The following SDCBP variants were observed in gnomAD, a reference collection of about 807,000 sequenced individuals.
SDCBP encodes the protein syndecan binding protein.
In SDCBP, 22 loss-of-function variants were observed where a neutral mutation model predicts 30.5. The ratio of observed to expected loss-of-function variants is 0.72; its 90% CI spans 0.52 to 1.03. SDCBP has a LOEUF of 1.03. Among genes scored for constraint, SDCBP ranks in the 50% least tolerant of loss-of-function variants. The pLI, the probability that SDCBP is intolerant of heterozygous loss-of-function variation, is 0.00. For synonymous variants in SDCBP, 103 were observed against 118.7 expected (o/e 0.87, Z 0.86); for missense variants, 304 against 369.9 (o/e 0.82, Z 1.46).
intron 4 of SDCBP, among the ~76,000 whole-genome samples, chr8:58,574,891 T>C (rs779008765): frequency 1.3e-5 from 2 of 152,216 alleles, no homozygotes; most frequent in African/African-American, 2.4e-5. Flanking sequence ...TAAGATGTAC[T>C]CTTAGCAACT....
Position 58,576,050 on chromosome 8 carries a change from T to G in SDCBP, c.391T>G (p.Ser131Ala). 1 of 1,609,828 alleles carries G rather than the reference T, an allele frequency of 6.2e-7. No homozygotes were observed. Among genetic ancestry groups the G allele is most frequent in the Non-Finnish European group, 8.5e-7 (1 of 1,176,304 alleles). The change falls in exon 5 of 9, where the codon TCA becomes GCA. Residue 131 changes from serine (S) to alanine (A), a missense_variant. Ser to Ala is a moderately conservative substitution (Grantham distance 99). Coordinates refer to ENST00000260130, the MANE Select transcript of SDCBP (RefSeq NM_005625.4). ...TGGAAAAATTGGACTCAGGCTTAAA[T>G]CAATAGATAATGTAAGTATTTTAAA... ...QDGKIGLRLK[S>A]IDNGIFVQLV...
At chr8:58,557,309 TATATATAAATATAAA>T (rs1050507713) in intron 1 of SDCBP, among the ~76,000 whole-genome samples, 13 of 135,528 alleles carry the variant, frequency 9.6e-5, no homozygotes, top group Non-Finnish European at 1.7e-4. Flanking sequence ...TATATTTAAT[TATATATAAATATAAA>T]ATATATAAAT....
intron 1 of SDCBP, among the ~76,000 whole-genome samples, chr8:58,564,093 G>A (rs1050949590): frequency 2.0e-5 from 3 of 152,168 alleles, no homozygotes; most frequent in African/African-American, 7.2e-5. Context: ...TGTACCTCCA[G>A]TTGCCTCTAC....
In SDCBP at chr8:58,575,897, C is replaced by T; in HGVS notation, c.241-3C>T. The T allele has an allele frequency of 1.2e-6, 2 of 1,606,158 alleles. No individual in the cohort carries two copies. Among genetic ancestry groups the T allele is most frequent in the Non-Finnish European group, 1.7e-6 (2 of 1,174,714 alleles). On this transcript the variant is annotated splice_polypyrimidine_tract_variant and splice_region_variant and intron_variant, in intron 4 of 8. Coordinates refer to ENST00000260130, the MANE Select transcript of SDCBP (RefSeq NM_005625.4). Reference sequence around the variant, plus strand: ...ATTGACACATTGTATATGGTTTTGTCAGCAGTTGGTAGCAAGACCTTCCAG... The same window carrying T: ...ATTGACACATTGTATATGGTTTTGTTAGCAGTTGGTAGCAAGACCTTCCAG...
Position 58,575,902 on chromosome 8 carries a change from G to A in SDCBP, c.243G>A (p.Gln81=), listed in dbSNP as rs757618081. 3 of 1,610,156 alleles carry A rather than the reference G, an allele frequency of 1.9e-6. No homozygotes were observed. Among genetic ancestry groups the A allele is most frequent in the African/African-American group, 2.7e-5 (2 of 74,850 alleles). The change falls in exon 5 of 9, where the codon CAG becomes CAA. Residue 81 remains glutamine, a splice_region_variant and synonymous_variant. Transcript: ENST00000260130. ...AVVSGAPLQG[Q]LVARPSSINY... The stretch of plus-strand genomic sequence containing the variant: ...CACATTGTATATGGTTTTGTCAGCA[G>A]TTGGTAGCAAGACCTTCCAGTATAA...
At chr8:58,578,799 C>T (rs1158872600) in intron 6 of SDCBP, among the ~76,000 whole-genome samples, 1 of 152,168 alleles carries the variant, frequency 6.6e-6, no homozygotes, top group Admixed American at 6.6e-5. Context: ...TTTGTTCCTT[C>T]TCAGTGAAAC....
intron 1 of SDCBP, among the ~76,000 whole-genome samples, chr8:58,557,347 AATAT>A (rs1459067736): frequency 3.0e-4 from 41 of 137,132 alleles, no homozygotes; most frequent in Admixed American, 8.3e-4. Context: ...AAATATATAA[AATAT>A]ATAGATATAT....
rs767280461 is a variant in SDCBP, at chr8:58,582,633, G to A, written c.*893G>A. The A allele has an allele frequency of 6.6e-6, 1 of 152,506 alleles. No individual in the cohort carries two copies. Among genetic ancestry groups the A allele is most frequent in the Non-Finnish European group, 1.5e-5 (1 of 68,022 alleles). The allele number at this position is 152,506 out of a possible 1,614,324, so 9.4% of individuals were successfully genotyped here. ...CTTTTGACTCCCCTTTTGTTCATTT[G>A]TGGATTAAGTGGTATAATACTTAAT... On this transcript the variant is annotated 3_prime_UTR_variant, in exon 9 of 9. Coordinates refer to ENST00000260130, the MANE Select transcript of SDCBP (RefSeq NM_005625.4).
chr8:58,564,967 C>G, intron 1 of SDCBP, 52 bp from the exon 2 acceptor site: 1 of 979,048 alleles, frequency 1.0e-6, no homozygotes, highest in South Asian at 1.4e-5. Flanking sequence ...GCTGTGTATA[C>G]TATTTCAATT....
At chr8:58,563,241 T>G (rs1804530546) in intron 1 of SDCBP, among the ~76,000 whole-genome samples, 1 of 152,208 alleles carries the variant, frequency 6.6e-6, no homozygotes, top group African/African-American at 2.4e-5. Context: ...AATGGAATAT[T>G]ATTCTGCTAT....
At chr8:58,569,735 C>T (rs754813006) in intron 2 of SDCBP, among the ~76,000 whole-genome samples, 38 of 151,716 alleles carry the variant, frequency 2.5e-4, no homozygotes, top group African/African-American at 7.5e-4. Context: ...TTTAGCTAAT[C>T]GGTGGTGAAA....
At chr8:58,561,671 C>T in intron 1 of SDCBP, 1 of 597,978 alleles carries the variant, frequency 1.7e-6, no homozygotes. Context: ...TTCATCACCA[C>T]TATATCTGAC....
intron 1 of SDCBP, among the ~76,000 whole-genome samples, chr8:58,559,587 T>G (rs1804328214): frequency 6.6e-6 from 1 of 152,170 alleles, no homozygotes; most frequent in African/African-American, 2.4e-5. Context: ...CAGATTCTGT[T>G]TTTCCCTTAA....
chr8:58,563,168 A>G (rs1174533197), intron 1 of SDCBP, among the ~76,000 whole-genome samples: 1 of 152,230 alleles, frequency 6.6e-6, no homozygotes, highest in Non-Finnish European at 1.5e-5. Context: ...ATAATAGCCA[A>G]AAGTGCAAAT....
At chr8:58,566,415 A>G (rs1387764320) in intron 2 of SDCBP, among the ~76,000 whole-genome samples, 1 of 152,164 alleles carries the variant, frequency 6.6e-6, no homozygotes, top group Non-Finnish European at 1.5e-5. Context: ...GGTTTTGAAA[A>G]CAGCAGCAGC....
chr8:58,578,882 T>G (rs1805504323), intron 6 of SDCBP, among the ~76,000 whole-genome samples: 1 of 152,218 alleles, frequency 6.6e-6, no homozygotes, highest in Non-Finnish European at 1.5e-5. Flanking sequence ...ATGAATGTCC[T>G]TTTTACTTTC....
At chr8:58,553,481 G>C (rs1337161075) in intron 1 of SDCBP, among the ~76,000 whole-genome samples, 178 bp downstream of exon 1, 2 of 152,132 alleles carry the variant, frequency 1.3e-5, no homozygotes, top group African/African-American at 4.8e-5. Context: ...CCTGCGCCCT[G>C]CTGGCTGGGG....
intron 2 of SDCBP, among the ~76,000 whole-genome samples, chr8:58,566,133 A>G (rs1804698423): frequency 6.6e-6 from 1 of 152,138 alleles, no homozygotes; most frequent in Non-Finnish European, 1.5e-5. Flanking sequence ...TCACTTCTTT[A>G]GTATTTTGTC....
chr8:58,571,708 A>C (rs766144677), intron 3 of SDCBP, among the ~76,000 whole-genome samples: 10 of 152,204 alleles, frequency 6.6e-5, no homozygotes, highest in Non-Finnish European at 1.2e-4. Context: ...AATGTGGTTA[A>C]AATTATTAAA....
Sources: gnomAD v4.1 joint callset for allele counts (sites outside exome capture counted in the v4.1 genomes callset) on GRCh38, gnomAD v4.1.1 for gene constraint, MANE v1.5 for transcripts, NCBI Gene and HGNC (gene_info 2026-07-23, HGNC 2026-07-21) for gene names.